HIC2: variants seen among roughly 807,000 people sequenced by gnomAD.
HIC2 encodes HIC ZBTB transcriptional repressor 2.
HIC2 carries 2 observed loss-of-function variants against 39.5 expected under a neutral mutation model. That is an observed-to-expected ratio of 0.05 (90% CI 0.02 to 0.16). The LOEUF is 0.16. Among genes scored for constraint, HIC2 ranks in the 10% least tolerant of loss-of-function variants. The pLI is 1.00. For synonymous variants in HIC2, 399 were observed against 368.8 expected (o/e 1.08, Z -0.94); for missense variants, 713 against 863.5 (o/e 0.83, Z 2.18).
chr22:21,432,024 T>C (rs575835841), intron 1 of HIC2, among the ~76,000 whole-genome samples: 3 of 144,822 alleles, frequency 2.1e-5, no homozygotes, highest in Non-Finnish European at 4.5e-5. Context: ...TTTTTTTTTT[T>C]TTTCTTTCTT....
rs1420808296 is a variant in HIC2, at chr22:21,446,119, C to T, written c.1224C>T (p.Asp408=). The T allele has an allele frequency of 1.2e-6, 2 of 1,608,138 alleles. No homozygotes were observed. Among genetic ancestry groups the T allele is most frequent in the African/African-American group, 1.3e-5 (1 of 74,936 alleles). ...EEENGKDASE[D]SAQSGSEGGS... ...AGAACGGCAAGGATGCAAGTGAAGACAGTGCGCAGAGCGGGAGCGAGGGGG... is the reference window on the plus strand; with the variant it reads ...AGAACGGCAAGGATGCAAGTGAAGATAGTGCGCAGAGCGGGAGCGAGGGGG... Residue 408 remains aspartate, a synonymous_variant, in exon 3 of 3, where the codon GAC becomes GAT. Transcript: ENST00000407464.
At position 21,447,151 on chromosome 22, in the gene HIC2, C is replaced by T. The variant is rs929528798; in HGVS notation, c.*408C>T. 9 of 216,824 alleles carry T rather than the reference C, an allele frequency of 4.2e-5. No individual in the cohort carries two copies. Among genetic ancestry groups the T allele is most frequent in the African/African-American group, 1.6e-4 (7 of 43,254 alleles). The allele number at this position is 216,824 out of a possible 1,614,324, so 13.4% of individuals were successfully genotyped here. On this transcript the variant is annotated 3_prime_UTR_variant, in exon 3 of 3. Coordinates refer to ENST00000407464, the MANE Select transcript of HIC2 (RefSeq NM_015094.3). ...CGCTGGCCGTGTCTGTGTGTGTGCA[C>T]GTGTGCTTGTGTCTGTGCGGGCGCG...
Position 21,450,081 on chromosome 22 carries a change from AAC to A in HIC2, c.*3340_*3341del, listed in dbSNP as rs1924084920. On this transcript the variant is annotated 3_prime_UTR_variant, in exon 3 of 3. Coordinates refer to ENST00000407464, the MANE Select transcript of HIC2 (RefSeq NM_015094.3). Reference sequence around the variant, plus strand: ...CAACATAGACGGTGCAAACACTCTTAACAGTGTTGTTTTTGTATCAATATGTT... The same window carrying A: ...CAACATAGACGGTGCAAACACTCTTAAGTGTTGTTTTTGTATCAATATGTT... 6.5e-6 allele frequency: 1 copy of A among 152,772 alleles called. No homozygotes were observed. The highest frequency in any genetic ancestry group is 1.5e-5 in the Non-Finnish European group (1 of 68,038). The allele number at this position is 152,772 out of a possible 1,614,324, so 9.5% of individuals were successfully genotyped here.
chr22:21,445,017 C>T lies in HIC2; in HGVS notation c.122C>T (p.Thr41Ile). Reference protein sequence around the residue: ...QLLLQLNQQRTKGFLCDVIIM... With the variant: ...QLLLQLNQQRIKGFLCDVIIM... ...CTGCTGCAGCTGAACCAGCAGAGGA[C>T]CAAGGGCTTCCTGTGTGACGTCATC... Residue 41 changes from threonine to isoleucine, a missense_variant, in exon 3 of 3, where the codon ACC becomes ATC. Physicochemically the swap from Thr to Ile is moderately conservative, Grantham distance 89 (BLOSUM62 -1). This residue lies in a region of HIC2 where 102 missense variants were observed against 187.1 expected (regional missense o/e 0.55). Coordinates refer to ENST00000407464, the MANE Select transcript of HIC2 (RefSeq NM_015094.3). 1 of 1,614,128 alleles carries T rather than the reference C, an allele frequency of 6.2e-7. No individual in the cohort carries two copies. The highest frequency in any genetic ancestry group is 1.1e-5 in the South Asian group (1 of 91,084).
At position 21,417,996 on chromosome 22, in the gene HIC2, G is replaced by C. The variant is rs915862799; in HGVS notation, c.-74+436G>C. Among the ~76,000 whole-genome samples, 17 of 147,896 alleles carry C rather than the reference G, an allele frequency of 1.1e-4. 2 individuals are homozygous for C. Among genetic ancestry groups the C allele is most frequent in the South Asian group, 2.2e-4 (1 of 4,452 alleles). ...GCCCTGCGCCCGCGTTCGCCCCCTC[G>C]CTAGAGGATTTTGCGATTTCCAGGA... On this transcript the variant is annotated intron_variant, in intron 1 of 2. Transcript: ENST00000407464.
In HIC2 at chr22:21,450,793, G is replaced by T. The variant is rs1924142205; in HGVS notation, c.*4050G>T. ...CAGTCTGACATTCCACGCCGGGGTGGGGGTGGGCATGAGCGGTGGGAACTG... is the reference window on the plus strand; with the variant it reads ...CAGTCTGACATTCCACGCCGGGGTGTGGGTGGGCATGAGCGGTGGGAACTG... On this transcript the variant is annotated 3_prime_UTR_variant, in exon 3 of 3. Transcript: ENST00000407464. 3 of 152,886 alleles carry T rather than the reference G, an allele frequency of 2.0e-5. No homozygotes were observed. In the South Asian group the frequency reaches 6.2e-4, roughly 32 times the overall value. 9.5% of individuals were successfully genotyped at this position (152,886 alleles called of 1,614,324 possible). A position where few individuals can be genotyped will look rare whatever the true frequency, so the allele number is the denominator to read the frequency against.
In HIC2 at chr22:21,445,364, G is replaced by T; in HGVS notation, c.469G>T (p.Gly157Trp). 1.9e-6 allele frequency: 3 copies of T among 1,563,652 alleles called. No homozygotes were observed. In the South Asian group the frequency reaches 3.7e-5, roughly 19 times the overall value. Residue 157 changes from glycine to tryptophan, a missense_variant, in exon 3 of 3, where the codon GGG becomes TGG. Physicochemically the swap from Gly to Trp is radical, Grantham distance 184 (BLOSUM62 -2). This residue lies in a region of HIC2 where 457 missense variants were observed against 420.2 expected (regional missense o/e 1.09). Coordinates refer to ENST00000407464, the MANE Select transcript of HIC2 (RefSeq NM_015094.3). Reference sequence around the variant, plus strand: ...TGGGAGGGCGGGGTCCACTGGCATGGGGCGGCCCCCCCGCAGCCAGCGGCT... The same window carrying T: ...TGGGAGGGCGGGGTCCACTGGCATGTGGCGGCCCCCCCGCAGCCAGCGGCT... ...GSGRAGSTGM[G>W]RPPRSQRLST...
rs960570365 is a variant in HIC2 at position 21,446,875 on chromosome 22, A to G, written c.*132A>G. On this transcript the variant is annotated 3_prime_UTR_variant, in exon 3 of 3. Transcript: ENST00000407464. ...GCTCCGGGTGGCCCCTCTGGCCCCC[A>G]CTGCCCACACCCAGAGCTTTAATGG... is the stretch of plus-strand genomic sequence containing the variant. 2.5e-6 allele frequency: 3 copies of G among 1,224,166 alleles called. No individual in the cohort carries two copies. The African/African-American group carries it at 4.6e-5, about 19-fold the overall frequency. The allele number at this position is 1,224,166 out of a possible 1,614,324, so 75.8% of individuals were successfully genotyped here.
intron 1 of HIC2, among the ~76,000 whole-genome samples, chr22:21,430,998 T>C (rs1044915075): frequency 1.6e-4 from 5 of 30,596 alleles, no homozygotes; most frequent in African/African-American, 4.0e-4. Flanking sequence ...CGTGACACCG[T>C]TGTTCCCTCA....
Position 21,447,693 on chromosome 22 carries a change from C to G in HIC2, c.*950C>G, listed in dbSNP as rs1923932753. The G allele has an allele frequency of 1.7e-5, 2 of 118,182 alleles. No individual in the cohort carries two copies. Among genetic ancestry groups the G allele is most frequent in the Admixed American group, 1.2e-4 (1 of 8,154 alleles). 7.3% of individuals were successfully genotyped at this position (118,182 alleles called of 1,614,324 possible). On this transcript the variant is annotated 3_prime_UTR_variant, in exon 3 of 3. Transcript: ENST00000407464. ...TGTAACGTTTATGTGACTGTTTGAACTGGAAGGTCTGGGGTTCCGGGGGGT... is the reference window on the plus strand; with the variant it reads ...TGTAACGTTTATGTGACTGTTTGAAGTGGAAGGTCTGGGGTTCCGGGGGGT...
intron 1 of HIC2, among the ~76,000 whole-genome samples, chr22:21,425,980 G>T (rs1923230635): frequency 1.3e-5 from 2 of 152,304 alleles, no homozygotes; most frequent in African/African-American, 4.8e-5. Flanking sequence ...GAAGTGCTGG[G>T]ATTACAGGCA....
chr22:21,444,875 C>A (rs781339932), intron 2 of HIC2, 47 bp from the exon 3 acceptor site: 5 of 1,569,154 alleles, frequency 3.2e-6, no homozygotes, highest in South Asian at 1.2e-5. Context: ...AGCCCTGGTC[C>A]GAGTGTGCCA....
intron 1 of HIC2, among the ~76,000 whole-genome samples, chr22:21,426,573 A>G (rs1406103298): frequency 9.5e-4 from 127 of 133,578 alleles, no homozygotes; most frequent in African/African-American, 3.2e-3. Context: ...GGTTCAAGCA[A>G]TTCTATTGCC....
rs1361658407 is a variant in HIC2, at chr22:21,442,755, C to T, written c.-73-4C>T. The T allele has an allele frequency of 3.7e-6, 2 of 546,096 alleles. No individual in the cohort carries two copies. Among genetic ancestry groups the T allele is most frequent in the African/African-American group, 5.2e-5 (2 of 38,276 alleles). The allele number at this position is 546,096 out of a possible 1,614,324, so 33.8% of individuals were successfully genotyped here. A position where few individuals can be genotyped will look rare whatever the true frequency, so the allele number is the denominator to read the frequency against. ...GGTGACTGTGTTCGTCTTCTCTTCC[C>T]CAGGTGACCAGGCATTGATGCACCC... On this transcript the variant is annotated splice_region_variant and splice_polypyrimidine_tract_variant and intron_variant, in intron 1 of 2. Coordinates refer to ENST00000407464, the MANE Select transcript of HIC2 (RefSeq NM_015094.3).
rs1365055378 is a variant in HIC2 at position 21,450,352 on chromosome 22, C to G, written c.*3609C>G. On this transcript the variant is annotated 3_prime_UTR_variant, in exon 3 of 3. Coordinates refer to ENST00000407464, the MANE Select transcript of HIC2 (RefSeq NM_015094.3). Reference sequence around the variant, plus strand: ...GGACCCTCACCAACTTTCCCCACCTCAGGCAGCCCTGTGTGTTTACCGTTC... The same window carrying G: ...GGACCCTCACCAACTTTCCCCACCTGAGGCAGCCCTGTGTGTTTACCGTTC... 6.5e-6 allele frequency: 1 copy of G among 152,878 alleles called. No individual in the cohort carries two copies. The highest frequency in any genetic ancestry group is 1.5e-5 in the Non-Finnish European group (1 of 68,098). The allele number at this position is 152,878 out of a possible 1,614,324, so 9.5% of individuals were successfully genotyped here. A position where few individuals can be genotyped will look rare whatever the true frequency, so the allele number is the denominator to read the frequency against.
At chr22:21,417,688 G>C (rs1432758939) in intron 1 of HIC2, 128 bp downstream of exon 1, 6 of 146,116 alleles carry the variant, frequency 4.1e-5, no homozygotes, top group African/African-American at 1.5e-4. Flanking sequence ...CTGCGCGCGT[G>C]GGGGACGCGC....
rs565045797 is a variant in HIC2, at chr22:21,451,046, C to T, written c.*4303C>T. 4 of 152,862 alleles carry T rather than the reference C, an allele frequency of 2.6e-5. No individual in the cohort carries two copies. In the East Asian group the frequency reaches 5.6e-4, roughly 22 times the overall value. The allele number at this position is 152,862 out of a possible 1,614,324, so 9.5% of individuals were successfully genotyped here. A position where few individuals can be genotyped will look rare whatever the true frequency, so the allele number is the denominator to read the frequency against. On this transcript the variant is annotated 3_prime_UTR_variant, in exon 3 of 3. Transcript: ENST00000407464. ...GGTGCTGAGGGGAGCCTCTCTACCCCACCCATCACTAGCTTCCCTCTGCCC... is the reference window on the plus strand; with the variant it reads ...GGTGCTGAGGGGAGCCTCTCTACCCTACCCATCACTAGCTTCCCTCTGCCC...
At position 21,446,854 on chromosome 22, in the gene HIC2, C is replaced by G; in HGVS notation, c.*111C>G. ...AAGACCCTGGGTCCAGTGGAGGCTC[C>G]GGGTGGCCCCTCTGGCCCCCACTGC... On this transcript the variant is annotated 3_prime_UTR_variant, in exon 3 of 3. Coordinates refer to ENST00000407464, the MANE Select transcript of HIC2 (RefSeq NM_015094.3). 7.0e-7 allele frequency: 1 copy of G among 1,422,096 alleles called. No homozygotes were observed. The highest frequency in any genetic ancestry group is 9.3e-7 in the Non-Finnish European group (1 of 1,074,558). The allele number at this position is 1,422,096 out of a possible 1,614,324, so 88.1% of individuals were successfully genotyped here.
rs1218121073 is a variant in HIC2 at position 21,445,425 on chromosome 22, G to C, written c.530G>C (p.Gly177Ala). ...TASVIQARYQ[G>A]LVDGRKGAHA... is the part of the protein sequence containing the mutation. ...TCTGTCATCCAAGCTCGGTATCAGG[G>C]GCTCGTGGATGGGCGCAAGGGGGCC... Residue 177 changes from glycine to alanine, a missense_variant, in exon 3 of 3, where the codon GGG becomes GCG. Transcript: ENST00000407464. 3.9e-6 allele frequency: 6 copies of C among 1,529,526 alleles called. No individual in the cohort carries two copies. The Admixed American group carries it at 1.3e-4, about 33-fold the overall frequency. The allele number at this position is 1,529,526 out of a possible 1,614,324, so 94.7% of individuals were successfully genotyped here.
Sources: allele counts gnomAD v4.1 joint callset (sites outside exome capture counted in the v4.1 genomes callset), GRCh38; gene constraint gnomAD v4.1.1; regional missense constraint gnomAD v4.1.1; transcripts MANE v1.5; gene names NCBI Gene and HGNC (gene_info 2026-07-23, HGNC 2026-07-21).